ZNF875: variants seen among roughly 807,000 people sequenced by gnomAD.
ZNF875 encodes HKR1, GLI-Kruppel zinc finger family member.
Under a neutral mutation model 11.2 loss-of-function variants are expected in ZNF875, and 14 were observed. That is an observed-to-expected ratio of 1.26 (90% CI 0.83 to 1.96). ZNF875 has a LOEUF of 1.96. Ranked by LOEUF, ZNF875 falls within the 30% of genes most tolerant of loss-of-function variation. The probability of loss-of-function intolerance (pLI) is 0.00; values close to 1 mark genes in which losing one functional copy is unlikely to be tolerated. For synonymous variants in ZNF875, 301 were observed against 281.1 expected, an observed-to-expected ratio of 1.07 and a Z score of -0.71; for missense variants, 752 against 760.4, an observed-to-expected ratio of 0.99 and a Z score of 0.13.
intron 4 of ZNF875, among the ~76,000 whole-genome samples, chr19:37,327,347 T>C (rs1010772193): frequency 6.6e-6 from 1 of 152,236 alleles, no homozygotes; most frequent in African/African-American, 2.4e-5. Context: ...TACTTGATTT[T>C]TAAATGACAG....
At chr19:37,326,824 T>C (rs2032538831) in intron 4 of ZNF875, among the ~76,000 whole-genome samples, 2 of 151,812 alleles carry the variant, frequency 1.3e-5, no homozygotes, top group Admixed American at 6.6e-5. Context: ...TGCACCACCA[T>C]GCCTGGCTAA....
upstream of ZNF875, among the ~76,000 whole-genome samples, chr19:37,333,267 T>G (rs2033687166): frequency 6.7e-6 from 1 of 150,240 alleles, no homozygotes; most frequent in Non-Finnish European, 1.5e-5. Flanking sequence ...ATATCTTTCT[T>G]AAGTTTTCTA....
intron 2 of ZNF875, chr19:37,344,537 T>C: frequency 3.0e-6 from 2 of 672,962 alleles, no homozygotes; most frequent in South Asian, 3.5e-5. Context: ...ACGAAGTCTT[T>C]TGCTAGAATC....
In ZNF875 at chr19:37,362,994, T is replaced by G; in HGVS notation, c.1142T>G (p.Leu381Arg). 6.2e-7 allele frequency: 1 copy of G among 1,614,208 alleles called. No individual in the cohort carries two copies. Among genetic ancestry groups the G allele is most frequent in the African/African-American group, 1.3e-5 (1 of 75,052 alleles). The change falls in exon 5 of 5, where the codon CTG becomes CGG. Residue 381 changes from leucine (L) to arginine (R), a missense_variant. Physicochemically the swap from Leu to Arg is moderately radical, Grantham distance 102. Coordinates refer to ENST00000392153, the MANE Select transcript of ZNF875 (RefSeq NM_001353803.2). The part of the protein sequence containing the change: ...CGRGFRQHSH[L>R]VRHKRTHSGE... ...CGTGGCTTTCGCCAGCATTCACACC[T>G]GGTCAGACACAAGAGGACACATTCA...
At chr19:37,335,548 G>C (rs1301320087) in intron 2 of ZNF875, among the ~76,000 whole-genome samples, 1 of 152,218 alleles carries the variant, frequency 6.6e-6, no homozygotes, top group African/African-American at 2.4e-5. Context: ...TTTGTCTCTA[G>C]TGGACAAGGG....
At chr19:37,313,602 C>T (rs1009264827), upstream of ZNF875, among the ~76,000 whole-genome samples, 2 of 152,152 alleles carry the variant, frequency 1.3e-5, no homozygotes, top group African/African-American at 4.8e-5. Flanking sequence ...CACTAATCTA[C>T]AGACCCTCCC....
chr19:37,355,687 G>A (rs544267078), intron 4 of ZNF875, among the ~76,000 whole-genome samples: 24 of 152,256 alleles, frequency 1.6e-4, no homozygotes, highest in South Asian at 1.0e-3. Flanking sequence ...AGGTTAGTTA[G>A]TTCATTTTCA....
chr19:37,352,921 C>T (rs1240405104), intron 4 of ZNF875, among the ~76,000 whole-genome samples: 3 of 127,338 alleles, frequency 2.4e-5, no homozygotes, highest in Non-Finnish European at 4.6e-5. Flanking sequence ...GTCACCGAGA[C>T]TGGAGTGCAG....
rs964925061 is a variant in ZNF875, at chr19:37,344,760, G to A, written c.34-2430G>A. ...CAGACAAACCATGAGTTGTTCCGGG[G>A]CTGGAGGAATAACGGTTGTATTAAA... is the stretch of plus-strand genomic sequence containing the variant. On this transcript the variant is annotated intron_variant, in intron 2 of 4. Coordinates refer to ENST00000392153, the MANE Select transcript of ZNF875 (RefSeq NM_001353803.2). 2.5e-6 allele frequency: 4 copies of A among 1,582,062 alleles called. No homozygotes were observed. In the African/African-American group the frequency reaches 5.4e-5, roughly 21 times the overall value.
intron 2 of ZNF875, among the ~76,000 whole-genome samples, chr19:37,336,194 G>A (rs1351624701): frequency 6.6e-6 from 1 of 152,092 alleles, no homozygotes; most frequent in Non-Finnish European, 1.5e-5. Context: ...AGATTGGGGG[G>A]AAGGCATTCC....
rs1213759651 is a variant in ZNF875 at position 37,362,558 on chromosome 19, A to G, written c.706A>G (p.Ile236Val). The change falls in exon 5 of 5, where the codon ATC becomes GTC. Residue 236 changes from isoleucine to valine, a missense_variant. By Grantham distance (29) the Ile-to-Val change is conservative (BLOSUM62 3). Coordinates refer to ENST00000392153, the MANE Select transcript of ZNF875 (RefSeq NM_001353803.2). Reference protein sequence around the residue: ...IKYEEFGPGFIKESNLLSLQK... With the variant: ...IKYEEFGPGFVKESNLLSLQK... ...ATATGAAGAGTTTGGGCCAGGCTTT[A>G]TCAAGGAGTCAAACCTCCTTAGCCT... The G allele has an allele frequency of 2.5e-6, 4 of 1,614,236 alleles. No individual in the cohort carries two copies. The highest frequency in any genetic ancestry group is 2.2e-5 in the East Asian group (1 of 44,880).
Position 37,363,890 on chromosome 19 carries a change from G to C in ZNF875, c.*115G>C, listed in dbSNP as rs144085787. 2 of 775,712 alleles carry C rather than the reference G, an allele frequency of 2.6e-6. No individual in the cohort carries two copies. Among genetic ancestry groups the C allele is most frequent in the African/African-American group, 3.5e-5 (2 of 57,482 alleles). The allele number at this position is 775,712 out of a possible 1,614,324, so 48.1% of individuals were successfully genotyped here. A position where few individuals can be genotyped will look rare whatever the true frequency, so the allele number is the denominator to read the frequency against. ...TTTTCAGCCATTGCTAGATACCAAAGTGGAGACATTCTGTGTGTGATTATG... is the reference window on the plus strand; with the variant it reads ...TTTTCAGCCATTGCTAGATACCAAACTGGAGACATTCTGTGTGTGATTATG... On this transcript the variant is annotated 3_prime_UTR_variant, in exon 5 of 5. Coordinates refer to ENST00000392153, the MANE Select transcript of ZNF875 (RefSeq NM_001353803.2).
At chr19:37,358,875 C>T (rs1046043299) in intron 4 of ZNF875, among the ~76,000 whole-genome samples, 4 of 151,548 alleles carry the variant, frequency 2.6e-5, no homozygotes, top group Non-Finnish European at 5.9e-5. Flanking sequence ...CATAAAATTA[C>T]TTATTGTATG....
intron 2 of ZNF875, among the ~76,000 whole-genome samples, chr19:37,338,731 A>T (rs943066997): frequency 6.6e-6 from 1 of 152,222 alleles, no homozygotes; most frequent in Non-Finnish European, 1.5e-5. Context: ...CACAACCTTA[A>T]GTAAACGATT....
At chr19:37,334,080 C>G (rs533242674), upstream of ZNF875, among the ~76,000 whole-genome samples, 4 of 152,154 alleles carry the variant, frequency 2.6e-5, no homozygotes, top group African/African-American at 4.8e-5. Context: ...CCTAGGGACA[C>G]GCGACCAGTC....
chr19:37,363,584 C>T lies in ZNF875; in HGVS notation c.1732C>T (p.His578Tyr), dbSNP rs2040344856. The T allele has an allele frequency of 1.2e-6, 2 of 1,613,810 alleles. No individual in the cohort carries two copies. Among genetic ancestry groups the T allele is most frequent in the Non-Finnish European group, 1.7e-6 (2 of 1,179,948 alleles). The stretch of plus-strand genomic sequence containing the variant: ...TTGTGCTAAGTTAACTCTCATTAAA[C>T]ACCAGAGAGCACACGCAGGGGGGAA... ...GFCAKLTLIK[H>Y]QRAHAGGKPH... Residue 578 changes from histidine (H) to tyrosine (Y), a missense_variant, in exon 5 of 5, where the codon CAC becomes TAC. Coordinates refer to ENST00000392153, the MANE Select transcript of ZNF875 (RefSeq NM_001353803.2).
upstream of ZNF875, among the ~76,000 whole-genome samples, chr19:37,330,233 C>G (rs941483070): frequency 6.6e-6 from 1 of 152,096 alleles, no homozygotes; most frequent in Admixed American, 6.5e-5. Flanking sequence ...ATTATCCTAT[C>G]CATTACCTCA....
chr19:37,350,578 A>G (rs914172678), intron 4 of ZNF875, among the ~76,000 whole-genome samples: 1 of 152,000 alleles, frequency 6.6e-6, no homozygotes, highest in African/African-American at 2.4e-5. Flanking sequence ...CTTTATTCAG[A>G]TTCAGATTTC....
chr19:37,347,702 A>C, intron 3 of ZNF875, 75 bp from the exon 4 acceptor site: 1 of 917,254 alleles, frequency 1.1e-6, no homozygotes. Context: ...TTCCTCACCC[A>C]TTTCAGCTCT....
Sources: allele counts gnomAD v4.1 joint callset (sites outside exome capture counted in the v4.1 genomes callset), GRCh38; gene constraint gnomAD v4.1.1; transcripts MANE v1.5; gene names NCBI Gene and HGNC (gene_info 2026-07-23, HGNC 2026-07-21).